Variants in GULP1 observed in about 807,000 individuals in gnomAD.
GULP1 encodes GULP PTB domain containing engulfment adaptor 1.
GULP1 carries 19 observed loss-of-function variants against 40.9 expected under a neutral mutation model. The ratio of observed to expected loss-of-function variants is 0.46; its 90% CI spans 0.32 to 0.68. The LOEUF (loss-of-function observed/expected upper bound fraction) is 0.68. GULP1 is among the 30% of genes least tolerant of loss of function. The pLI, the probability that GULP1 is intolerant of heterozygous loss-of-function variation, is 0.03. For missense variants in GULP1, 312 were observed against 362.2 expected, an observed-to-expected ratio of 0.86 and a Z score of 1.12; for synonymous variants, 119 against 117.6, an observed-to-expected ratio of 1.01 and a Z score of -0.08.
intron 7 of GULP1, among the ~76,000 whole-genome samples, chr2:188,548,200 G>GA (rs1692485755): frequency 6.6e-6 from 1 of 152,080 alleles, no homozygotes; most frequent in South Asian, 2.1e-4. Flanking sequence ...CTTATATGCA[G>GA]ATGGCATGAT....
In GULP1 at chr2:188,525,080, CTT is replaced by C. The variant is rs146425398; in HGVS notation, c.162+2255_162+2256del. 3.6e-3 allele frequency among the ~76,000 whole-genome samples: 546 copies of C among 152,000 alleles called. 4 individuals are homozygous for C. Among genetic ancestry groups the C allele is most frequent in the African/African-American group, 0.013 (524 of 41,540 alleles). On this transcript the variant is annotated intron_variant, in intron 5 of 11. Coordinates refer to ENST00000409830, the MANE Select transcript of GULP1 (RefSeq NM_016315.4). ...AATTTAAAACTGACTTTTTTACACT[CTT>C]TCTATCATTTTTTAGAGAATTTACA...
intron 4 of GULP1, among the ~76,000 whole-genome samples, chr2:188,486,892 A>C (rs540440452): frequency 3.9e-5 from 6 of 152,028 alleles, no homozygotes; most frequent in African/African-American, 1.4e-4. Flanking sequence ...GTAGTAGGTC[A>C]TAGGGACATA....
intron 1 of GULP1, among the ~76,000 whole-genome samples, chr2:188,379,055 G>C (rs1032123433): frequency 6.6e-6 from 1 of 152,056 alleles, no homozygotes; most frequent in Non-Finnish European, 1.5e-5. Context: ...TTCAAGGAAA[G>C]TGACTTGTGT....
At chr2:188,381,874 T>C (rs2049043145) in intron 1 of GULP1, among the ~76,000 whole-genome samples, 1 of 152,154 alleles carries the variant, frequency 6.6e-6, no homozygotes, top group Admixed American at 6.5e-5. Context: ...CCCTTACATT[T>C]TACAGCAAGG....
intron 2 of GULP1, among the ~76,000 whole-genome samples, chr2:188,386,478 ATTTG>A (rs1276147730): frequency 6.6e-6 from 1 of 152,074 alleles, no homozygotes; most frequent in African/African-American, 2.4e-5. Context: ...TGTGTAACAA[ATTTG>A]TTTTCTTCTG....
At chr2:188,538,357 A>C (rs773777331) in intron 6 of GULP1, among the ~76,000 whole-genome samples, 1 of 152,062 alleles carries the variant, frequency 6.6e-6, no homozygotes, top group African/African-American at 2.4e-5. Flanking sequence ...CTTGAATTCT[A>C]TTCCCAGAAG....
chr2:188,367,342 C>T (rs764002270), intron 1 of GULP1, among the ~76,000 whole-genome samples: 1 of 152,080 alleles, frequency 6.6e-6, no homozygotes, highest in Non-Finnish European at 1.5e-5. Flanking sequence ...CAGACAGTTG[C>T]GTTCTAGTGA....
At chr2:188,500,048 A>G (rs938962988) in intron 4 of GULP1, among the ~76,000 whole-genome samples, 9 of 151,858 alleles carry the variant, frequency 5.9e-5, no homozygotes, top group African/African-American at 2.2e-4. Flanking sequence ...CCTTGGCCAG[A>G]TTAAGAGCTA....
intron 2 of GULP1, among the ~76,000 whole-genome samples, chr2:188,471,170 A>C (rs1416168863): frequency 6.6e-6 from 1 of 151,940 alleles, no homozygotes; most frequent in Non-Finnish European, 1.5e-5. Flanking sequence ...AAATATAGCT[A>C]CTCCTACTCT....
intron 3 of GULP1, 88 bp from the exon 4 acceptor site, chr2:188,483,343 C>A: frequency 1.7e-6 from 1 of 593,472 alleles, no homozygotes; most frequent in South Asian, 2.6e-5. Context: ...TAGAAATACT[C>A]TGTGTCCTAA....
chr2:188,359,517 A>G (rs966120376), intron 1 of GULP1, among the ~76,000 whole-genome samples: 1 of 152,158 alleles, frequency 6.6e-6, no homozygotes, highest in Non-Finnish European at 1.5e-5. Flanking sequence ...TCCTGTTATC[A>G]TATGCTTCAT....
At chr2:188,558,414 T>C (rs562366305) in intron 7 of GULP1, among the ~76,000 whole-genome samples, 1 of 152,326 alleles carries the variant, frequency 6.6e-6, no homozygotes, top group African/African-American at 2.4e-5. Context: ...GCCATGATTC[T>C]GAGGCCTCCA....
At chr2:188,362,744 C>T (rs2046258630) in intron 1 of GULP1, among the ~76,000 whole-genome samples, 1 of 151,000 alleles carries the variant, frequency 6.6e-6, no homozygotes, top group Non-Finnish European at 1.5e-5. Flanking sequence ...GGGTGTAGAT[C>T]CTTTCCATTT....
intron 10 of GULP1, among the ~76,000 whole-genome samples, chr2:188,586,984 G>A (rs1394149626): frequency 3.3e-5 from 5 of 151,912 alleles, no homozygotes; most frequent in Admixed American, 3.3e-4. Context: ...TTTAGAGAAT[G>A]TAAAGTTCTC....
chr2:188,364,066 A>T (rs2046427356), intron 1 of GULP1, among the ~76,000 whole-genome samples: 1 of 152,166 alleles, frequency 6.6e-6, no homozygotes, highest in South Asian at 2.1e-4. Context: ...CATCTAGCTT[A>T]TTTAGAACTT....
chr2:188,539,270 A>G (rs923045253), intron 6 of GULP1, among the ~76,000 whole-genome samples: 9 of 152,006 alleles, frequency 5.9e-5, no homozygotes, highest in Admixed American at 4.6e-4. Context: ...TAGCAGTAAT[A>G]TTTTCTCTTT....
chr2:188,556,498 T>C (rs1576059350), intron 7 of GULP1, among the ~76,000 whole-genome samples: 1 of 152,310 alleles, frequency 6.6e-6, no homozygotes, highest in East Asian at 1.9e-4. Flanking sequence ...TCACTGAGCT[T>C]CTTTCAAATC....
At chr2:188,418,863 GATT>G (rs2054958768) in intron 2 of GULP1, among the ~76,000 whole-genome samples, 1 of 152,072 alleles carries the variant, frequency 6.6e-6, no homozygotes, top group East Asian at 1.9e-4. Context: ...TATTCCCGTT[GATT>G]ATTAACTCCC....
intron 4 of GULP1, among the ~76,000 whole-genome samples, chr2:188,486,858 G>GA (rs978063296): frequency 2.6e-5 from 4 of 151,834 alleles, no homozygotes; most frequent in African/African-American, 9.7e-5. Context: ...TATTACCTAT[G>GA]AAAAAATGTG....
Sources: gnomAD v4.1 joint callset for allele counts (sites outside exome capture counted in the v4.1 genomes callset) on GRCh38, gnomAD v4.1.1 for gene constraint, MANE v1.5 for transcripts, NCBI Gene and HGNC (gene_info 2026-07-23, HGNC 2026-07-21) for gene names.